The following PLCB1 variants were observed in gnomAD, a reference collection of about 807,000 sequenced individuals.
PLCB1 encodes the protein phospholipase C beta 1.
PLCB1 carries 46 observed loss-of-function variants against 161.8 expected under a neutral mutation model. That is an observed-to-expected ratio of 0.28 (90% CI 0.22 to 0.36). The LOEUF (loss-of-function observed/expected upper bound fraction) is 0.36. Among genes scored for constraint, PLCB1 ranks in the 10% least tolerant of loss-of-function variants. The pLI is 1.00. For missense variants in PLCB1, 1,016 were observed against 1,472.5 expected (o/e 0.69, Z 5.07); for synonymous variants, 517 against 503.7 (o/e 1.03, Z -0.35).
At chr20:8,275,222 A>G (rs2250711) in intron 2 of PLCB1, among the ~76,000 whole-genome samples, 137,099 of 151,492 alleles carry the variant, frequency 0.9, 62,290 homozygotes, top group African/African-American at 0.98. Flanking sequence ...TTAAATGTCC[A>G]GTACCAGGTT....
At chr20:8,158,555 C>A (rs1343335290) in intron 2 of PLCB1, among the ~76,000 whole-genome samples, 1 of 152,084 alleles carries the variant, frequency 6.6e-6, no homozygotes, top group East Asian at 1.9e-4. Flanking sequence ...CATGCCTTTC[C>A]AACAGTCCCC....
Position 8,629,782 on chromosome 20 carries a change from C to CT in PLCB1, c.384+1353dup, listed in dbSNP as rs10680124. ...TACACCAGATGTGTTGGCCTGGTTCCTTCCTTCCTTTCTTTCTTTTCTTTC... is the reference window on the plus strand; with the variant it reads ...TACACCAGATGTGTTGGCCTGGTTCCTTTCCTTCCTTTCTTTCTTTTCTTTC... On this transcript the variant is annotated intron_variant, in intron 4 of 31. Transcript: ENST00000338037. Among the ~76,000 whole-genome samples the CT allele has an allele frequency of 8.5e-3, 1,005 of 118,132 alleles. 37 individuals carry two copies. The highest frequency in any genetic ancestry group is 0.032 in the African/African-American group (887 of 27,998). The allele number at this position is 118,132 out of a possible 152,430, so 77.5% of individuals were successfully genotyped here.
At chr20:8,316,226 G>A (rs1473679160) in intron 2 of PLCB1, among the ~76,000 whole-genome samples, 2 of 152,124 alleles carry the variant, frequency 1.3e-5, no homozygotes, top group Non-Finnish European at 2.9e-5. Flanking sequence ...TTCTGAATAT[G>A]GCAGGACAGA....
chr20:8,377,396 G>A (rs1209268928), intron 3 of PLCB1, among the ~76,000 whole-genome samples: 1 of 152,184 alleles, frequency 6.6e-6, no homozygotes, highest in African/African-American at 2.4e-5. Flanking sequence ...AATGACTTGG[G>A]CTTTTCTTCT....
chr20:8,883,545 C>T lies in PLCB1; in HGVS notation c.*1696C>T, dbSNP rs993094468. The T allele has an allele frequency of 7.2e-5, 11 of 151,838 alleles. No individual in the cohort carries two copies. Among genetic ancestry groups the T allele is most frequent in the Non-Finnish European group, 1.2e-4 (8 of 67,918 alleles). The allele number at this position is 151,838 out of a possible 1,614,324, so 9.4% of individuals were successfully genotyped here. A position where few individuals can be genotyped will look rare whatever the true frequency, so the allele number is the denominator to read the frequency against. Reference sequence around the variant, plus strand: ...TGTAGCTTTGTGAAATATCTTAAAACGCAAAAACCAATTGTGTCCTGAAAA... The same window carrying T: ...TGTAGCTTTGTGAAATATCTTAAAATGCAAAAACCAATTGTGTCCTGAAAA... On this transcript the variant is annotated 3_prime_UTR_variant, in exon 32 of 32. Coordinates refer to ENST00000338037, the MANE Select transcript of PLCB1 (RefSeq NM_015192.4).
chr20:8,270,540 A>G (rs147846013), intron 2 of PLCB1, among the ~76,000 whole-genome samples: 252 of 152,292 alleles, frequency 1.7e-3, no homozygotes, highest in African/African-American at 5.1e-3. Context: ...ATGTTACAGC[A>G]TCTTCAGTTA....
intron 2 of PLCB1, among the ~76,000 whole-genome samples, chr20:8,204,721 C>G (rs1427090481): frequency 1.3e-5 from 2 of 152,090 alleles, no homozygotes; most frequent in Non-Finnish European, 2.9e-5. Context: ...AATTAAGCCT[C>G]TTTTCTTTAT....
intron 9 of PLCB1, among the ~76,000 whole-genome samples, chr20:8,666,127 A>G (rs755204209): frequency 1.3e-5 from 2 of 152,082 alleles, no homozygotes; most frequent in Non-Finnish European, 2.9e-5. Flanking sequence ...CAAAGTTCTG[A>G]TGTGTGTTCT....
At chr20:8,327,940 C>T (rs1389586419) in intron 2 of PLCB1, among the ~76,000 whole-genome samples, 1 of 151,754 alleles carries the variant, frequency 6.6e-6, no homozygotes. Context: ...TATACATATA[C>T]AGTAATACAC....
chr20:8,719,837 A>T (rs2123472521), intron 14 of PLCB1, among the ~76,000 whole-genome samples: 1 of 152,322 alleles, frequency 6.6e-6, no homozygotes, highest in Middle Eastern at 3.4e-3. Context: ...ATTAAAATAT[A>T]AACTCTAGGA....
Position 8,587,998 on chromosome 20 carries a change from T to A in PLCB1, c.247-40296T>A, listed in dbSNP as rs149227062. On this transcript the variant is annotated intron_variant, in intron 3 of 31. Coordinates refer to ENST00000338037, the MANE Select transcript of PLCB1 (RefSeq NM_015192.4). Reference sequence around the variant, plus strand: ...AAAATAAAAAACTTGTGAAACCAAGTCTGTACCAGACTGACGTGTATCGAA... The same window carrying A: ...AAAATAAAAAACTTGTGAAACCAAGACTGTACCAGACTGACGTGTATCGAA... 2.6e-5 allele frequency among the ~76,000 whole-genome samples: 4 copies of A among 152,308 alleles called. No homozygotes were observed. The East Asian group carries it at 7.7e-4, about 29-fold the overall frequency.
At chr20:8,717,872 C>A (rs577804933) in intron 14 of PLCB1, 24 bp downstream of exon 14, 1 of 1,590,860 alleles carries the variant, frequency 6.3e-7, no homozygotes, top group Non-Finnish European at 8.5e-7. Context: ...GGGCTCTCCC[C>A]GTCATGTTTT....
At chr20:8,544,925 T>G (rs1412527899) in intron 3 of PLCB1, among the ~76,000 whole-genome samples, 1 of 152,224 alleles carries the variant, frequency 6.6e-6, no homozygotes, top group East Asian at 1.9e-4. Context: ...TGATATCTAC[T>G]TTTACATTCT....
chr20:8,316,545 G>A (rs531945581), intron 2 of PLCB1, among the ~76,000 whole-genome samples: 3 of 152,218 alleles, frequency 2.0e-5, no homozygotes, highest in South Asian at 2.1e-4. Flanking sequence ...GAGATTGGCC[G>A]AGACTTCTAT....
chr20:8,832,608 C>T (rs1986067029), intron 31 of PLCB1, among the ~76,000 whole-genome samples: 1 of 152,096 alleles, frequency 6.6e-6, no homozygotes, highest in South Asian at 2.1e-4. Flanking sequence ...GATTAGAGCA[C>T]ATGATAACTC....
intron 2 of PLCB1, among the ~76,000 whole-genome samples, chr20:8,170,879 C>A (rs747472948): frequency 6.6e-6 from 1 of 152,070 alleles, no homozygotes; most frequent in Non-Finnish European, 1.5e-5. Flanking sequence ...GCTTAGTTGA[C>A]CATCTGATTA....
intron 3 of PLCB1, among the ~76,000 whole-genome samples, chr20:8,477,051 T>G (rs1310153210): frequency 1.3e-5 from 2 of 152,114 alleles, no homozygotes; most frequent in Non-Finnish European, 2.9e-5. Context: ...ACTCAGCGGG[T>G]TCCAAAGAGT....
At chr20:8,738,847 T>C (rs1031312620) in intron 20 of PLCB1, among the ~76,000 whole-genome samples, 15 of 152,174 alleles carry the variant, frequency 9.9e-5, no homozygotes, top group African/African-American at 3.4e-4. Flanking sequence ...AAACTTCTAG[T>C]TGGATCTGAA....
At chr20:8,679,830 A>G (rs1990172650) in intron 9 of PLCB1, among the ~76,000 whole-genome samples, 1 of 152,172 alleles carries the variant, frequency 6.6e-6, no homozygotes, top group Non-Finnish European at 1.5e-5. Flanking sequence ...TCTGAACTCA[A>G]TTTCTCTTTC....
Sources: gnomAD v4.1 joint callset for allele counts (sites outside exome capture counted in the v4.1 genomes callset) on GRCh38, gnomAD v4.1.1 for gene constraint, MANE v1.5 for transcripts, NCBI Gene and HGNC (gene_info 2026-07-23, HGNC 2026-07-21) for gene names.